Variants in PLCB4 observed in about 807,000 individuals in gnomAD.
The protein encoded by PLCB4 is phospholipase C beta 4, also known as 1-phosphatidylinositol 4,5-bisphosphate phosphodiesterase beta-4.
A neutral mutation model predicts 178.8 loss-of-function variants in PLCB4; 77 were observed. The ratio of observed to expected loss-of-function variants is 0.43; its 90% CI spans 0.36 to 0.52. The LOEUF is 0.52. Among genes scored for constraint, PLCB4 ranks in the 20% least tolerant of loss-of-function variants. The probability of loss-of-function intolerance (pLI) is 0.00; values close to 1 mark genes in which losing one functional copy is unlikely to be tolerated. For missense variants in PLCB4, 1,024 were observed against 1,453.4 expected, an observed-to-expected ratio of 0.70 and a Z score of 4.80; for synonymous variants, 496 against 490.8, an observed-to-expected ratio of 1.01 and a Z score of -0.14.
chr20:9,175,844 T>G (rs982191188), intron 2 of PLCB4, among the ~76,000 whole-genome samples: 2 of 152,174 alleles, frequency 1.3e-5, no homozygotes, highest in African/African-American at 4.8e-5. Context: ...TTGGGCCTGT[T>G]AAAATATCTT....
chr20:9,375,016 G>A (rs935171224), intron 12 of PLCB4, among the ~76,000 whole-genome samples: 5 of 152,010 alleles, frequency 3.3e-5, no homozygotes, highest in Non-Finnish European at 7.4e-5. Context: ...GAATCGGTGT[G>A]ATTCTAGATT....
intron 3 of PLCB4, among the ~76,000 whole-genome samples, chr20:9,257,265 T>C (rs2094245844): frequency 6.6e-6 from 1 of 152,230 alleles, no homozygotes; most frequent in African/African-American, 2.4e-5. Context: ...CTGCATGATT[T>C]TAATTGTGTC....
intron 1 of PLCB4, among the ~76,000 whole-genome samples, chr20:9,092,955 C>T (rs954397890): frequency 1.3e-5 from 2 of 152,080 alleles, no homozygotes; most frequent in African/African-American, 4.8e-5. Context: ...TATATTGGCT[C>T]GTAACGCTAT....
At chr20:9,257,972 A>G (rs1030122755) in intron 3 of PLCB4, among the ~76,000 whole-genome samples, 2 of 152,236 alleles carry the variant, frequency 1.3e-5, no homozygotes, top group Non-Finnish European at 2.9e-5. Context: ...ATTAGCTGAA[A>G]GAAAAGATGC....
At chr20:9,317,109 A>G (rs2094907906) in intron 4 of PLCB4, among the ~76,000 whole-genome samples, 1 of 152,230 alleles carries the variant, frequency 6.6e-6, no homozygotes. Context: ...AGAACATAAT[A>G]TGTAAAAAAA....
chr20:9,238,804 A>C (rs2147397010), intron 3 of PLCB4, among the ~76,000 whole-genome samples: 1 of 152,360 alleles, frequency 6.6e-6, no homozygotes. Context: ...ACCTATGTTG[A>C]ATAATTATTC....
chr20:9,404,329 TTGTC>T (rs1317733755), intron 20 of PLCB4, among the ~76,000 whole-genome samples: 1 of 152,092 alleles, frequency 6.6e-6, no homozygotes, highest in Non-Finnish European at 1.5e-5. Flanking sequence ...GGGAGAGTAT[TTGTC>T]TGATGAGCAA....
intron 2 of PLCB4, among the ~76,000 whole-genome samples, chr20:9,120,995 C>G (rs895195881): frequency 3.9e-5 from 6 of 152,198 alleles, no homozygotes; most frequent in Admixed American, 2.0e-4. Context: ...AAGCCCTCCT[C>G]ACACTGGAAC....
At chr20:9,438,808 G>A (rs1264758773) in intron 30 of PLCB4, among the ~76,000 whole-genome samples, 1 of 152,168 alleles carries the variant, frequency 6.6e-6, no homozygotes, top group East Asian at 1.9e-4. Flanking sequence ...GATGATGAAG[G>A]TAGAAACATG....
intron 10 of PLCB4, among the ~76,000 whole-genome samples, chr20:9,371,583 A>G (rs1315575109): frequency 6.6e-6 from 1 of 152,126 alleles, no homozygotes; most frequent in African/African-American, 2.4e-5. Flanking sequence ...CACCTTTCTT[A>G]AGAAAAGGAA....
At chr20:9,446,655 G>T (rs1489075394) in intron 32 of PLCB4, among the ~76,000 whole-genome samples, 1 of 152,210 alleles carries the variant, frequency 6.6e-6, no homozygotes, top group Non-Finnish European at 1.5e-5. Flanking sequence ...AAGGCAAGCA[G>T]ATCTCACCTG....
rs571969224 is a variant in PLCB4, at chr20:9,376,702, G to A, written c.745-3352G>A. Among the ~76,000 whole-genome samples, 297 of 152,168 alleles carry A rather than the reference G, an allele frequency of 2.0e-3. 2 individuals carry two copies. Among genetic ancestry groups the A allele is most frequent in the African/African-American group, 6.9e-3 (287 of 41,518 alleles). On this transcript the variant is annotated intron_variant, in intron 12 of 39. Transcript: ENST00000378473. ...TAATGAGAAGCAAAATTGATTTTTAGTTTTACCTTCATTCTTTGTTTGACT... is the reference window on the plus strand; with the variant it reads ...TAATGAGAAGCAAAATTGATTTTTAATTTTACCTTCATTCTTTGTTTGACT...
rs192798016 is a variant in PLCB4, at chr20:9,346,677, G to C, written c.369+7640G>C. The stretch of plus-strand genomic sequence containing the variant: ...AGTTCATTGGAAACAAATCAATGAG[G>C]GGGGGCATTAAGCTGTCCGGAGTGC... On this transcript the variant is annotated intron_variant, in intron 7 of 39. Transcript: ENST00000378473. Among the ~76,000 whole-genome samples, 343 of 152,278 alleles carry C rather than the reference G, an allele frequency of 2.3e-3. 1 individual carries two copies. Among genetic ancestry groups the C allele is most frequent in the Non-Finnish European group, 4.1e-3 (281 of 68,018 alleles).
chr20:9,346,857 C>T (rs1040138847), intron 7 of PLCB4, among the ~76,000 whole-genome samples: 110 of 152,308 alleles, frequency 7.2e-4, no homozygotes, highest in African/African-American at 2.6e-3. Context: ...CTCTGCCTTA[C>T]ATGGGCTGTG....
At chr20:9,273,234 CT>C (rs2094421619) in intron 3 of PLCB4, among the ~76,000 whole-genome samples, 1 of 152,152 alleles carries the variant, frequency 6.6e-6, no homozygotes, top group African/African-American at 2.4e-5. Context: ...TATCATTACT[CT>C]TGCCTAGTAT....
At chr20:9,283,971 T>C (rs997241558) in intron 3 of PLCB4, among the ~76,000 whole-genome samples, 4 of 151,974 alleles carry the variant, frequency 2.6e-5, no homozygotes, top group African/African-American at 7.2e-5. Context: ...AGGGACACAT[T>C]CATTCATTCT....
At chr20:9,307,700 T>G in intron 3 of PLCB4, 100 bp from the exon 4 acceptor site, 1 of 520,696 alleles carries the variant, frequency 1.9e-6, no homozygotes, top group Admixed American at 3.8e-5. Flanking sequence ...TCCACATATT[T>G]AAAGTAAATC....
chr20:9,381,635 G>A (rs1027699144), intron 13 of PLCB4, among the ~76,000 whole-genome samples: 2 of 152,146 alleles, frequency 1.3e-5, no homozygotes, highest in Non-Finnish European at 2.9e-5. Flanking sequence ...AAAAAGGGTA[G>A]CTTGACCATT....
chr20:9,388,391 C>T (rs2037856761), intron 15 of PLCB4, among the ~76,000 whole-genome samples: 1 of 152,054 alleles, frequency 6.6e-6, no homozygotes, highest in Non-Finnish European at 1.5e-5. Context: ...CTCAACTCCA[C>T]CTACATGTGA....
Sources: allele counts gnomAD v4.1 joint callset (sites outside exome capture counted in the v4.1 genomes callset), GRCh38; gene constraint gnomAD v4.1.1; transcripts MANE v1.5; gene names NCBI Gene and HGNC (gene_info 2026-07-23, HGNC 2026-07-21).